RAI14: variants seen among roughly 807,000 people sequenced by gnomAD.
The protein encoded by RAI14 is retinoic acid induced 14, also known as ankycorbin.
In RAI14, 45 loss-of-function variants were observed where a neutral mutation model predicts 115.4. The observed-to-expected ratio is 0.39, with a 90% CI of 0.31 to 0.50. RAI14 has a LOEUF of 0.50. RAI14 is among the 20% of genes least tolerant of loss of function. The pLI is 0.85. For synonymous variants in RAI14, 371 were observed against 415.4 expected (o/e 0.89, Z 1.30); for missense variants, 939 against 1,131.2 (o/e 0.83, Z 2.44).
At chr5:34,758,889 G>A (rs1016776182) in intron 3 of RAI14, among the ~76,000 whole-genome samples, 1 of 152,186 alleles carries the variant, frequency 6.6e-6, no homozygotes, top group African/African-American at 2.4e-5. Flanking sequence ...CTTATCCCAG[G>A]TTTATAGTAT....
chr5:34,715,887 T>C (rs1741919759), intron 2 of RAI14, among the ~76,000 whole-genome samples: 1 of 151,074 alleles, frequency 6.6e-6, no homozygotes, highest in African/African-American at 2.5e-5. Context: ...TATAAAGATG[T>C]AATCATCAGT....
At chr5:34,730,917 A>G (rs1329471155) in intron 2 of RAI14, among the ~76,000 whole-genome samples, 3 of 152,228 alleles carry the variant, frequency 2.0e-5, no homozygotes, top group Non-Finnish European at 4.4e-5. Flanking sequence ...TGGTAGGTGG[A>G]GGTTGCAGTG....
intron 5 of RAI14, 141 bp from the exon 6 acceptor site, chr5:34,807,659 C>G (rs1755087666): frequency 1.5e-6 from 1 of 684,232 alleles, no homozygotes. Context: ...GACTGTAGGC[C>G]CCTGGAACAC....
At chr5:34,812,950 C>G (rs946664205) in intron 10 of RAI14, among the ~76,000 whole-genome samples, 1 of 152,144 alleles carries the variant, frequency 6.6e-6, no homozygotes, top group African/African-American at 2.4e-5. Context: ...TCTAGAACGT[C>G]ATGTGGTGTT....
intron 3 of RAI14, among the ~76,000 whole-genome samples, chr5:34,795,091 C>T (rs530650430): frequency 1.3e-4 from 20 of 152,296 alleles, no homozygotes; most frequent in African/African-American, 4.8e-4. Flanking sequence ...CCTGACCACC[C>T]AGTGGAATTG....
intron 2 of RAI14, among the ~76,000 whole-genome samples, chr5:34,690,796 G>T (rs901333988): frequency 6.6e-6 from 1 of 151,972 alleles, no homozygotes; most frequent in African/African-American, 2.4e-5. Context: ...TTTTTACTTC[G>T]CATTTATAAC....
At chr5:34,757,780 T>G in intron 3 of RAI14, 182 bp downstream of exon 3, 39 of 700,416 alleles carry the variant, frequency 5.6e-5, no homozygotes, top group Middle Eastern at 4.6e-4. Context: ...TATGGAGCTC[T>G]ACCTTGAATG....
Position 34,824,413 on chromosome 5 carries a change from G to C in RAI14, c.2571G>C (p.Gln857His). 6.2e-7 allele frequency: 1 copy of C among 1,608,606 alleles called. No homozygotes were observed. Among genetic ancestry groups the C allele is most frequent in the East Asian group, 2.2e-5 (1 of 44,730 alleles). The change falls in exon 15 of 18, where the codon CAG becomes CAC. Residue 857 changes from glutamine to histidine, a missense_variant. Gln to His is a conservative substitution (Grantham distance 24, BLOSUM62 0). Coordinates refer to ENST00000265109, the MANE Select transcript of RAI14 (RefSeq NM_015577.3). Reference protein sequence around the residue: ...QEVNELLQKFQQAQEELAEMK... With the variant: ...QEVNELLQKFHQAQEELAEMK... ...TAAATGAACTTCTGCAAAAATTCCA[G>C]CAAGCTCAGGAAGAACTTGCAGAAA...
In RAI14 at chr5:34,712,673, T is replaced by G. The variant is rs568629363; in HGVS notation, c.36+25718T>G. On this transcript the variant is annotated intron_variant, in intron 2 of 17. Transcript: ENST00000265109. ...TATATATAAGGATGTTCAGATACAC[T>G]ACGACAGTTTTTCCAAGTGACAACT... Among the ~76,000 whole-genome samples the G allele has an allele frequency of 3.3e-5, 5 of 152,358 alleles. No individual in the cohort carries two copies. In the East Asian group the frequency reaches 9.6e-4, roughly 29 times the overall value.
At chr5:34,696,745 A>T (rs941676429) in intron 2 of RAI14, among the ~76,000 whole-genome samples, 1 of 152,194 alleles carries the variant, frequency 6.6e-6, no homozygotes, top group African/African-American at 2.4e-5. Flanking sequence ...TTAACTATTG[A>T]TGGCTGCTTT....
Position 34,734,432 on chromosome 5 carries a change from C to T in RAI14, c.37-23036C>T, listed in dbSNP as rs573249254. The stretch of plus-strand genomic sequence containing the variant: ...TTCTGAAGGTGGTAACTTTGTGGTT[C>T]GCTATCCTCAGCAGTAGGCTTTTGT... On this transcript the variant is annotated intron_variant, in intron 2 of 17. Coordinates refer to ENST00000265109, the MANE Select transcript of RAI14 (RefSeq NM_015577.3). Among the ~76,000 whole-genome samples the T allele has an allele frequency of 6.6e-5, 10 of 152,258 alleles. No individual in the cohort carries two copies. The South Asian group carries it at 1.2e-3, about 19-fold the overall frequency.
At position 34,812,218 on chromosome 5, in the gene RAI14, T is replaced by G. The variant is rs767621371; in HGVS notation, c.765+10T>G. On this transcript the variant is annotated intron_variant, in intron 10 of 17. Coordinates refer to ENST00000265109, the MANE Select transcript of RAI14 (RefSeq NM_015577.3). Reference sequence around the variant, plus strand: ...AACAAAACCAAAGCAGGTATTTATCTTTGGGGGAGGCTTCTATGTTTCATT... The same window carrying G: ...AACAAAACCAAAGCAGGTATTTATCGTTGGGGGAGGCTTCTATGTTTCATT... 1.3e-6 allele frequency: 2 copies of G among 1,578,908 alleles called. No individual in the cohort carries two copies. Among genetic ancestry groups the G allele is most frequent in the South Asian group, 2.3e-5 (2 of 87,634 alleles).
intron 5 of RAI14, among the ~76,000 whole-genome samples, chr5:34,804,217 T>C (rs933461990): frequency 6.6e-6 from 1 of 152,238 alleles, no homozygotes; most frequent in African/African-American, 2.4e-5. Context: ...TATTTCCTCA[T>C]ATGTAACTTG....
intron 13 of RAI14, among the ~76,000 whole-genome samples, chr5:34,819,345 T>C (rs1187320955): frequency 6.6e-6 from 1 of 152,228 alleles, no homozygotes; most frequent in Non-Finnish European, 1.5e-5. Flanking sequence ...TTTAAAAATA[T>C]CATGTTCAGA....
intron 3 of RAI14, among the ~76,000 whole-genome samples, chr5:34,779,341 C>T (rs1266886470): frequency 2.0e-5 from 3 of 152,200 alleles, no homozygotes; most frequent in Non-Finnish European, 4.4e-5. Flanking sequence ...CTCACCACTC[C>T]TATTCAACAT....
At chr5:34,808,474 A>C in intron 6 of RAI14, 110 bp from the exon 7 acceptor site, 2 of 941,602 alleles carry the variant, frequency 2.1e-6, no homozygotes, top group East Asian at 5.2e-5. Flanking sequence ...ACTAGAGTGA[A>C]TATATGTAGA....
intron 5 of RAI14, among the ~76,000 whole-genome samples, chr5:34,807,047 G>A (rs1369618023): frequency 1.3e-5 from 2 of 152,178 alleles, no homozygotes; most frequent in Non-Finnish European, 2.9e-5. Context: ...TGGCACGTGA[G>A]AGCTAATACT....
chr5:34,690,556 G>C (rs7735792), intron 2 of RAI14, among the ~76,000 whole-genome samples: 71,345 of 152,072 alleles, frequency 0.47, 18,342 homozygotes, highest in South Asian at 0.64. Flanking sequence ...TCTGTGACCC[G>C]AGAACCATCA....
chr5:34,662,047 T>C (rs1742732130), intron 1 of RAI14, among the ~76,000 whole-genome samples: 1 of 152,208 alleles, frequency 6.6e-6, no homozygotes, highest in Non-Finnish European at 1.5e-5. Flanking sequence ...CTTCAGCCTC[T>C]TGAAGTGCTG....
Sources: gnomAD v4.1 joint callset for allele counts (sites outside exome capture counted in the v4.1 genomes callset) on GRCh38, gnomAD v4.1.1 for gene constraint, MANE v1.5 for transcripts, NCBI Gene and HGNC (gene_info 2026-07-23, HGNC 2026-07-21) for gene names.